TRAPPC9: variants seen among roughly 807,000 people sequenced by gnomAD.
The protein encoded by TRAPPC9 is IKK2 binding protein.
Under a neutral mutation model 124.0 loss-of-function variants are expected in TRAPPC9, and 83 were observed. The observed-to-expected ratio is 0.67, with a 90% CI of 0.56 to 0.80. TRAPPC9 has a LOEUF of 0.80. Ranked by LOEUF, TRAPPC9 falls within the 30% of genes least tolerant of loss-of-function variation. The pLI is 0.00. For synonymous variants in TRAPPC9, 638 were observed against 617.5 expected (o/e 1.03, Z -0.49); for missense variants, 1,302 against 1,508.3 (o/e 0.86, Z 2.27).
At chr8:140,226,860 GA>G (rs2063467541) in intron 16 of TRAPPC9, among the ~76,000 whole-genome samples, 1 of 150,156 alleles carries the variant, frequency 6.7e-6, no homozygotes, top group African/African-American at 2.4e-5. Flanking sequence ...AAAAAAAAAA[GA>G]AAAAAGTCTT....
chr8:140,187,151 T>C (rs1475114879), intron 17 of TRAPPC9, among the ~76,000 whole-genome samples: 2 of 152,220 alleles, frequency 1.3e-5, no homozygotes, highest in Non-Finnish European at 2.9e-5. Context: ...GGTCCACTCA[T>C]ATGCGGGTTT....
At chr8:140,253,380 A>G (rs1228256865) in intron 15 of TRAPPC9, among the ~76,000 whole-genome samples, 1 of 152,046 alleles carries the variant, frequency 6.6e-6, no homozygotes, top group East Asian at 1.9e-4. Context: ...AAAGAGAATA[A>G]AAAATCAAAA....
chr8:140,344,167 C>T (rs941744383), intron 9 of TRAPPC9, among the ~76,000 whole-genome samples: 10 of 152,086 alleles, frequency 6.6e-5, no homozygotes, highest in African/African-American at 2.4e-4. Context: ...CAGAGAGCTC[C>T]CTCGCCCCTT....
rs143982182 is a variant in TRAPPC9 at position 140,216,599 on chromosome 8, G to T, written c.2556+4860C>A. ...AACTCCGCGTGCCTCTGAAACCCTT[G>T]GCAGCCTGGCCTGTCTCCTCTCAGC... On this transcript the variant is annotated intron_variant, in intron 17 of 22. Transcript: ENST00000438773. This position sits in a 1 kb window ranked among gnomAD's most constrained non-coding sequence, Gnocchi z 4.1. 8.1e-4 allele frequency among the ~76,000 whole-genome samples: 123 copies of T among 152,278 alleles called. 1 individual carries two copies. Among genetic ancestry groups the T allele is most frequent in the Middle Eastern group, 6.8e-3 (2 of 294 alleles).
At chr8:139,833,115 C>T (rs761255903) in intron 21 of TRAPPC9, among the ~76,000 whole-genome samples, 6 of 152,100 alleles carry the variant, frequency 3.9e-5, no homozygotes, top group African/African-American at 9.7e-5. Context: ...GCTGGGGCCT[C>T]GGTCCTACAG....
At chr8:139,775,600 C>T (rs949240936) in intron 21 of TRAPPC9, among the ~76,000 whole-genome samples, 6 of 152,296 alleles carry the variant, frequency 3.9e-5, no homozygotes, top group East Asian at 1.9e-4. Context: ...GGCTGAGTCC[C>T]GAGGACATCT....
At chr8:139,939,107 T>C (rs1395877659) in intron 19 of TRAPPC9, among the ~76,000 whole-genome samples, 6 of 152,226 alleles carry the variant, frequency 3.9e-5, no homozygotes, top group Non-Finnish European at 8.8e-5. Flanking sequence ...CATTCAAACA[T>C]GACTTGTACT....
At chr8:140,183,599 C>G (rs1464425377) in intron 17 of TRAPPC9, among the ~76,000 whole-genome samples, 5 of 151,976 alleles carry the variant, frequency 3.3e-5, no homozygotes, top group Non-Finnish European at 5.9e-5. Context: ...GCCTGTAATC[C>G]CATAATCCCA....
At chr8:140,062,334 G>A (rs1177424442) in intron 17 of TRAPPC9, among the ~76,000 whole-genome samples, 1 of 152,244 alleles carries the variant, frequency 6.6e-6, no homozygotes, top group East Asian at 1.9e-4. Context: ...TCTCAGACAC[G>A]GAATAAACCC....
chr8:139,814,361 G>A (rs1014530737), intron 21 of TRAPPC9, among the ~76,000 whole-genome samples: 5 of 152,218 alleles, frequency 3.3e-5, no homozygotes, highest in African/African-American at 1.2e-4. Context: ...AACCCCTCAA[G>A]CTGTCAGGAA....
chr8:140,398,996 A>T (rs1362010099), intron 6 of TRAPPC9, among the ~76,000 whole-genome samples: 1 of 152,250 alleles, frequency 6.6e-6, no homozygotes, highest in Non-Finnish European at 1.5e-5. Context: ...ACTCCAGCCA[A>T]GGCTGAAAGG....
At chr8:140,340,715 T>C (rs767733970) in intron 9 of TRAPPC9, among the ~76,000 whole-genome samples, 16 of 152,196 alleles carry the variant, frequency 1.1e-4, no homozygotes, top group Non-Finnish European at 1.9e-4. Flanking sequence ...GCCCCTACTG[T>C]CCTCTGCTGA....
chr8:140,033,673 T>TTTTTTTTTTTTTTTTTTTTTTTTTTTTG (rs1840672403), intron 17 of TRAPPC9, among the ~76,000 whole-genome samples: 1 of 76,732 alleles, frequency 1.3e-5, no homozygotes, highest in African/African-American at 5.0e-5. Context: ...TTTTTTTTTT[T>TTTTTTTTTTTTTTTTTTTTTTTTTTTTG]TTTTTTTTTT....
At chr8:140,047,198 C>A (rs898487781) in intron 17 of TRAPPC9, among the ~76,000 whole-genome samples, 3 of 152,214 alleles carry the variant, frequency 2.0e-5, no homozygotes, top group African/African-American at 4.8e-5. Flanking sequence ...CGGATGGTCA[C>A]CCGCCCGGGC....
chr8:140,409,421 T>C (rs761508704), intron 5 of TRAPPC9, among the ~76,000 whole-genome samples: 1 of 152,212 alleles, frequency 6.6e-6, no homozygotes, highest in African/African-American at 2.4e-5. Context: ...ACATTTATGT[T>C]TACTTTTTGA....
chr8:139,817,036 CAT>C (rs1255440959), intron 21 of TRAPPC9, among the ~76,000 whole-genome samples: 1 of 74,296 alleles, frequency 1.3e-5, no homozygotes, highest in African/African-American at 7.8e-5. Context: ...TAAGGAAGAA[CAT>C]AAACTAAACA....
chr8:139,784,654 G>T (rs1213800218), intron 21 of TRAPPC9, among the ~76,000 whole-genome samples: 4 of 95,848 alleles, frequency 4.2e-5, no homozygotes, highest in Non-Finnish European at 4.7e-5. Context: ...TAAATCAACT[G>T]CATTTCCATA....
At chr8:140,220,734 T>C (rs1455943835) in intron 17 of TRAPPC9, among the ~76,000 whole-genome samples, 5 of 152,366 alleles carry the variant, frequency 3.3e-5, no homozygotes, top group Non-Finnish European at 5.9e-5. Context: ...CTGATGTTCC[T>C]AACCAGTCCC....
intron 17 of TRAPPC9, among the ~76,000 whole-genome samples, chr8:140,129,777 G>T (rs1001785650): frequency 6.6e-6 from 1 of 152,184 alleles, no homozygotes; most frequent in Non-Finnish European, 1.5e-5. Context: ...ATACCGGATC[G>T]GAATTGGAGG....
Sources: gnomAD v4.1 joint callset for allele counts (sites outside exome capture counted in the v4.1 genomes callset) on GRCh38, gnomAD v4.1.1 for gene constraint, Gnocchi (gnomAD v3.1) non-coding constraint, MANE v1.5 for transcripts, NCBI Gene and HGNC (gene_info 2026-07-23, HGNC 2026-07-21) for gene names.